Variants in AKT3 observed in about 807,000 individuals in gnomAD.
The protein encoded by AKT3 is RAC-gamma serine/threonine-protein kinase.
AKT3 carries 15 observed loss-of-function variants against 65.3 expected under a neutral mutation model. The observed-to-expected ratio is 0.23, with a 90% CI of 0.15 to 0.35. The LOEUF (loss-of-function observed/expected upper bound fraction) is 0.35, where lower values mean the gene tolerates loss of function less well. Among genes scored for constraint, AKT3 ranks in the 10% least tolerant of loss-of-function variants. The pLI is 1.00. For missense variants in AKT3, 243 were observed against 576.5 expected (o/e 0.42, Z 5.92); for synonymous variants, 206 against 183.8 (o/e 1.12, Z -0.98).
Position 243,801,081 on chromosome 1 carries a change from T to C in AKT3, c.46+42044A>G, listed in dbSNP as rs1285679851. Among the ~76,000 whole-genome samples, 6 of 152,324 alleles carry C rather than the reference T, an allele frequency of 3.9e-5. No homozygotes were observed. In the East Asian group the frequency reaches 7.7e-4, roughly 20 times the overall value. ...CTCACTGGTGTGCTAATTGACTTTA[T>C]AGCTTAAACTAGTCTTATTTTGCAG... On this transcript the variant is annotated intron_variant, in intron 2 of 13. Transcript: ENST00000673466.
intron 8 of AKT3, among the ~76,000 whole-genome samples, chr1:243,597,660 C>T (rs1451044436): frequency 1.3e-5 from 2 of 152,144 alleles, no homozygotes; most frequent in African/African-American, 4.8e-5. Flanking sequence ...GCTACCACAC[C>T]TGGCTAATTT....
chr1:243,589,769 T>C (rs973657552), intron 8 of AKT3, among the ~76,000 whole-genome samples: 3 of 152,200 alleles, frequency 2.0e-5, no homozygotes, highest in Admixed American at 2.0e-4. Flanking sequence ...TTCACTGTAA[T>C]TAAGGCAGGA....
chr1:243,693,741 A>G (rs992444294), intron 3 of AKT3, among the ~76,000 whole-genome samples: 8 of 152,136 alleles, frequency 5.3e-5, no homozygotes, highest in African/African-American at 1.9e-4. Flanking sequence ...CTTTCCTCAC[A>G]TAACTGTTAT....
intron 8 of AKT3, among the ~76,000 whole-genome samples, chr1:243,606,385 T>G (rs1037717586): frequency 6.6e-6 from 1 of 152,160 alleles, no homozygotes. Flanking sequence ...CAGGCTGAGG[T>G]GGCCTCAGAT....
chr1:243,498,573 T>G (rs1668650348), downstream of AKT3, among the ~76,000 whole-genome samples: 1 of 152,206 alleles, frequency 6.6e-6, no homozygotes, highest in African/African-American at 2.4e-5. Flanking sequence ...CAAGAAAAAG[T>G]TGTCCTCAGG....
At chr1:243,775,320 A>G (rs1690479949) in intron 2 of AKT3, among the ~76,000 whole-genome samples, 1 of 152,148 alleles carries the variant, frequency 6.6e-6, no homozygotes, top group African/African-American at 2.4e-5. Flanking sequence ...AGCTGGGACT[A>G]CAGGCACCTG....
intron 2 of AKT3, among the ~76,000 whole-genome samples, chr1:243,727,118 C>T (rs1307288377): frequency 6.6e-6 from 1 of 152,164 alleles, no homozygotes; most frequent in Non-Finnish European, 1.5e-5. Flanking sequence ...TAAAAGGAGC[C>T]TAACCTACAT....
chr1:243,849,102 G>A (rs1010811308), intron 1 of AKT3, among the ~76,000 whole-genome samples: 2 of 152,320 alleles, frequency 1.3e-5, no homozygotes, highest in African/African-American at 4.8e-5. Context: ...TCGGCGTCAG[G>A]GTCAACACAG....
chr1:243,634,325 G>A (rs1219581984), intron 6 of AKT3, among the ~76,000 whole-genome samples: 1 of 151,902 alleles, frequency 6.6e-6, no homozygotes, highest in East Asian at 1.9e-4. Context: ...AATACAGAGA[G>A]CCAACTGCAT....
chr1:243,699,701 G>A (rs1685321161), intron 2 of AKT3, among the ~76,000 whole-genome samples: 1 of 151,618 alleles, frequency 6.6e-6, no homozygotes, highest in South Asian at 2.1e-4. Flanking sequence ...AGGAACCTGT[G>A]AATATTACCT....
chr1:243,812,335 AAAC>A (rs1693217146), intron 2 of AKT3, among the ~76,000 whole-genome samples: 2 of 152,204 alleles, frequency 1.3e-5, no homozygotes, highest in African/African-American at 4.8e-5. Context: ...AGAAAAAAAC[AAAC>A]AACCCCATCA....
intron 8 of AKT3, among the ~76,000 whole-genome samples, chr1:243,573,733 C>G (rs1674728052): frequency 6.6e-6 from 1 of 152,098 alleles, no homozygotes; most frequent in Non-Finnish European, 1.5e-5. Context: ...CCAGTCCTTT[C>G]TCATATTATC....
intron 1 of AKT3, among the ~76,000 whole-genome samples, chr1:243,849,360 G>A (rs952203361): frequency 9.3e-5 from 14 of 151,110 alleles, no homozygotes; most frequent in Non-Finnish European, 1.3e-4. Flanking sequence ...ACACAGACAA[G>A]CACGTTACCC....
intron 8 of AKT3, among the ~76,000 whole-genome samples, chr1:243,608,324 C>T (rs1367831762): frequency 1.3e-5 from 2 of 152,088 alleles, no homozygotes; most frequent in Admixed American, 6.6e-5. Flanking sequence ...CATGCTAAAC[C>T]CCTAACTCAA....
rs577258635 is a variant in AKT3 at position 243,642,551 on chromosome 1, C to T, written c.429+3342G>A. Among the ~76,000 whole-genome samples the T allele has an allele frequency of 4.4e-4, 67 of 152,276 alleles. No homozygotes were observed. The East Asian group carries it at 4.6e-3, about 11-fold the overall frequency. On this transcript the variant is annotated intron_variant, in intron 5 of 13. Coordinates refer to ENST00000673466, the MANE Select transcript of AKT3 (RefSeq NM_005465.7). ...GTCTCGATCTCCTGACCTTGTGATC[C>T]GCCCACCTTGGCCTCCCAAAGTGCT...
At chr1:243,530,553 C>T (rs978099234) in intron 12 of AKT3, among the ~76,000 whole-genome samples, 3 of 152,088 alleles carry the variant, frequency 2.0e-5, no homozygotes, top group South Asian at 2.1e-4. Flanking sequence ...TAGCACTAAA[C>T]GCCCACATAA....
intron 2 of AKT3, among the ~76,000 whole-genome samples, chr1:243,735,324 T>C (rs528781803): frequency 6.6e-6 from 1 of 152,372 alleles, no homozygotes; most frequent in East Asian, 1.9e-4. Flanking sequence ...CATTGTGCTA[T>C]GATGTTACAT....
chr1:243,555,778 AG>A (rs1180184232), intron 10 of AKT3, among the ~76,000 whole-genome samples: 31 of 152,304 alleles, frequency 2.0e-4, no homozygotes, highest in African/African-American at 7.2e-4. Context: ...ATATAAATGC[AG>A]ATCAAAATAT....
At chr1:243,624,229 A>G (rs1572049460) in intron 6 of AKT3, among the ~76,000 whole-genome samples, 1 of 152,224 alleles carries the variant, frequency 6.6e-6, no homozygotes, top group East Asian at 1.9e-4. Context: ...CGGCAGCTGT[A>G]CTGTGCTGTT....
Sources: allele counts gnomAD v4.1 joint callset (sites outside exome capture counted in the v4.1 genomes callset), GRCh38; gene constraint gnomAD v4.1.1; transcripts MANE v1.5; gene names NCBI Gene and HGNC (gene_info 2026-07-23, HGNC 2026-07-21).